Variants in LSS observed in about 807,000 individuals in gnomAD.
The protein encoded by LSS is 2,3-epoxysqualene-lanosterol cyclase.
A neutral mutation model predicts 110.3 loss-of-function variants in LSS; 90 were observed. That is an observed-to-expected ratio of 0.82 (90% CI 0.69 to 0.97). LSS has a LOEUF of 0.97. Among genes scored for constraint, LSS ranks in the 50% least tolerant of loss-of-function variants. The pLI is 0.00. For synonymous variants in LSS, 433 were observed against 400.0 expected, an observed-to-expected ratio of 1.08 and a Z score of -0.98; for missense variants, 927 against 990.0, an observed-to-expected ratio of 0.94 and a Z score of 0.85.
intron 13 of LSS, 119 bp from the exon 14 acceptor site, chr21:46,208,420 T>A (rs2080082705): frequency 2.2e-6 from 2 of 918,354 alleles, no homozygotes; most frequent in African/African-American, 3.3e-5. Context: ...GCCTGGGAGC[T>A]TACTCTGCCG....
At chr21:46,225,534 G>A (rs1370047414) in intron 3 of LSS, among the ~76,000 whole-genome samples, 3 of 152,180 alleles carry the variant, frequency 2.0e-5, no homozygotes, top group East Asian at 3.8e-4. Flanking sequence ...AGGCCCACCC[G>A]CAGTTATCCG....
intron 17 of LSS, among the ~76,000 whole-genome samples, chr21:46,198,914 G>A (rs1272533993): frequency 6.7e-6 from 1 of 149,408 alleles, no homozygotes. Flanking sequence ...GGACCTAGAT[G>A]TAAAATGCAA....
intron 10 of LSS, 30 bp downstream of exon 10, chr21:46,213,708 G>T: frequency 6.3e-7 from 1 of 1,586,694 alleles, no homozygotes; most frequent in Non-Finnish European, 8.6e-7. Context: ...TTCGTGAGAG[G>T]CCCCGCCAGC....
chr21:46,192,024 A>C, intron 20 of LSS, 65 bp from the exon 21 acceptor site: 1 of 1,231,946 alleles, frequency 8.1e-7, no homozygotes, highest in Non-Finnish European at 1.2e-6. Context: ...CCTCACCCTC[A>C]CACAGCCGAG....
chr21:46,209,724 G>T lies in LSS; in HGVS notation c.1195-99C>A, dbSNP rs568166131. On this transcript the variant is annotated intron_variant, in intron 12 of 21. Transcript: ENST00000397728. This position sits in a 1 kb window ranked among gnomAD's most constrained non-coding sequence, Gnocchi z 4.4. ...GTCCTGGCCACATCCTGCCCCAACC[G>T]GGGACCAGAATCAAACCAGCAGACA... is the stretch of plus-strand genomic sequence containing the variant. 9.9e-7 allele frequency: 1 copy of T among 1,005,226 alleles called. No individual in the cohort carries two copies. The allele number at this position is 1,005,226 out of a possible 1,614,324, so 62.3% of individuals were successfully genotyped here. A position where few individuals can be genotyped will look rare whatever the true frequency, so the allele number is the denominator to read the frequency against.
intron 17 of LSS, among the ~76,000 whole-genome samples, chr21:46,199,778 T>C (rs575274818): frequency 1.3e-5 from 2 of 152,164 alleles, no homozygotes; most frequent in Non-Finnish European, 2.9e-5. Flanking sequence ...AGTAAAAATA[T>C]CAGTGTTTGC....
intron 18 of LSS, 115 bp from the exon 19 acceptor site, chr21:46,195,871 C>A: frequency 1.2e-6 from 1 of 803,812 alleles, no homozygotes; most frequent in Non-Finnish European, 2.1e-6. Flanking sequence ...AACTCCAGTG[C>A]CTCAGGCATT....
Position 46,190,888 on chromosome 21 carries a change from C to T in LSS, c.*216G>A. The T allele has an allele frequency of 1.7e-6, 1 of 575,854 alleles. No individual in the cohort carries two copies. The allele number at this position is 575,854 out of a possible 1,614,324, so 35.7% of individuals were successfully genotyped here. A position where few individuals can be genotyped will look rare whatever the true frequency, so the allele number is the denominator to read the frequency against. ...CCCTTCCTCACCCAAGCCCGACAAG[C>T]TACTTTCAGAAATGAACCTACAGTA... On this transcript the variant is annotated 3_prime_UTR_variant, in exon 22 of 22. Coordinates refer to ENST00000397728, the MANE Select transcript of LSS (RefSeq NM_002340.6). This position sits in a 1 kb window ranked among gnomAD's most constrained non-coding sequence, Gnocchi z 4.6.
chr21:46,211,154 T>C (rs2080125914), intron 11 of LSS, among the ~76,000 whole-genome samples: 1 of 151,852 alleles, frequency 6.6e-6, no homozygotes, highest in Non-Finnish European at 1.5e-5. Flanking sequence ...TGAGATGAAG[T>C]CTCGCTCTGT....
intron 17 of LSS, 85 bp from the exon 18 acceptor site, chr21:46,196,352 G>T: frequency 9.2e-7 from 1 of 1,081,338 alleles, no homozygotes; most frequent in Non-Finnish European, 1.4e-6. Flanking sequence ...GGTCTCAAAA[G>T]AATGAGAATG....
Position 46,225,063 on chromosome 21 carries a change from G to A in LSS, c.320-2325C>T, listed in dbSNP as rs554504120. ...TGCCAAGGCAAGAGACCGAGGGCAC[G>A]AGCTGTTCCAGTATAATAAAATATA... On this transcript the variant is annotated intron_variant, in intron 3 of 21. Coordinates refer to ENST00000397728, the MANE Select transcript of LSS (RefSeq NM_002340.6). Among the ~76,000 whole-genome samples, 8 of 152,272 alleles carry A rather than the reference G, an allele frequency of 5.3e-5. No individual in the cohort carries two copies. In the South Asian group the frequency reaches 1.0e-3, roughly 20 times the overall value.
At position 46,213,744 on chromosome 21, in the gene LSS, T is replaced by C; in HGVS notation, c.1103A>G (p.Tyr368Cys). Residue 368 changes from tyrosine (Y) to cysteine (C), a missense_variant, in exon 10 of 22, where the codon TAT (tyrosine) becomes TGT (cysteine). Tyr to Cys is a radical substitution (Grantham distance 194). Transcript: ENST00000397728. ...ATATCCCAGCCACACTCACCAGAGA[T>C]AGTCCGGGATTCTGGAGACATGCTC... is the stretch of plus-strand genomic sequence containing the variant. ...FQEHVSRIPDYLWMGLDGMKM... is the reference protein window; with the variant it reads ...FQEHVSRIPDCLWMGLDGMKM... The C allele has an allele frequency of 6.2e-7, 1 of 1,613,444 alleles. No individual in the cohort carries two copies. Among genetic ancestry groups the C allele is most frequent in the Non-Finnish European group, 8.5e-7 (1 of 1,179,594 alleles).
intron 6 of LSS, 90 bp downstream of exon 6, chr21:46,219,386 G>T: frequency 1.2e-6 from 1 of 866,790 alleles, no homozygotes; most frequent in East Asian, 3.1e-5. Context: ...CCTCTCTGCT[G>T]TCACAGCCTG....
chr21:46,220,437 A>G (rs1023823961), intron 5 of LSS: 4 of 152,386 alleles, frequency 2.6e-5, no homozygotes, highest in African/African-American at 9.7e-5. Flanking sequence ...TCCTCAAAGA[A>G]GGAACACGTA....
rs1217161515 is a variant in LSS at position 46,216,804 on chromosome 21, T to C, written c.648-280A>G. Among the ~76,000 whole-genome samples, 1 of 152,174 alleles carries C rather than the reference T, an allele frequency of 6.6e-6. No homozygotes were observed. Among genetic ancestry groups the C allele is most frequent in the Non-Finnish European group, 1.5e-5 (1 of 68,024 alleles). On this transcript the variant is annotated intron_variant, in intron 6 of 21. Transcript: ENST00000397728. The surrounding 1 kb of genome is among the most constrained non-coding windows in gnomAD (Gnocchi z 4.2). Reference sequence around the variant, plus strand: ...TGCTTAGGATTGTCCGTGGGTTTCTTAGCTACAACAAACGTACCTTGGTAA... The same window carrying C: ...TGCTTAGGATTGTCCGTGGGTTTCTCAGCTACAACAAACGTACCTTGGTAA...
intron 6 of LSS, among the ~76,000 whole-genome samples, chr21:46,218,135 A>G (rs1183780948): frequency 8.5e-6 from 1 of 117,174 alleles, no homozygotes; most frequent in Admixed American, 9.5e-5. Context: ...ATCTAACACA[A>G]GGGACCCCCC....
At chr21:46,228,265 G>A (rs2080380556) in intron 2 of LSS, among the ~76,000 whole-genome samples, 169 bp downstream of exon 2, 1 of 152,278 alleles carries the variant, frequency 6.6e-6, no homozygotes, top group South Asian at 2.1e-4. Flanking sequence ...GTTTAGAGAT[G>A]AAGGGGCTGA....
At position 46,228,476 on chromosome 21, in the gene LSS, G is replaced by A. The variant is rs572893842; in HGVS notation, c.138C>T (p.Arg46=). 4.4e-6 allele frequency: 7 copies of A among 1,603,400 alleles called. No homozygotes were observed. In the East Asian group the frequency reaches 1.3e-4, roughly 31 times the overall value. ...CGTAGGCTTCCAGGCCGGTCTGCTC[G>A]CGGCCGGCGCGCTCGTCCTGCAGGT... is the stretch of plus-strand genomic sequence containing the variant. The part of the protein sequence containing the change: ...WTYLQDERAG[R]EQTGLEAYAL... The change falls in exon 2 of 22, where the codon CGC becomes CGT. Residue 46 remains arginine, a synonymous_variant. Coordinates refer to ENST00000397728, the MANE Select transcript of LSS (RefSeq NM_002340.6).
At chr21:46,195,845 C>T (rs955838074) in intron 18 of LSS, 89 bp from the exon 19 acceptor site, 20 of 1,020,330 alleles carry the variant, frequency 2.0e-5, no homozygotes, top group Admixed American at 3.8e-5. Context: ...ATCACACGTG[C>T]CCCAGCCAGC....
Sources: allele counts gnomAD v4.1 joint callset (sites outside exome capture counted in the v4.1 genomes callset), GRCh38; gene constraint gnomAD v4.1.1; non-coding constraint Gnocchi (gnomAD v3.1); transcripts MANE v1.5; gene names NCBI Gene and HGNC (gene_info 2026-07-23, HGNC 2026-07-21).